Variants in PAX3 observed in about 807,000 individuals in gnomAD.
PAX3 encodes paired box 3.
In PAX3, 14 loss-of-function variants were observed where a neutral mutation model predicts 51.6. The ratio of observed to expected loss-of-function variants is 0.27; its 90% confidence interval spans 0.18 to 0.42. The LOEUF is 0.42. Ranked by LOEUF, PAX3 falls within the 10% of genes least tolerant of loss-of-function variation. The pLI is 1.00. For missense variants in PAX3, 540 were observed against 642.8 expected (o/e 0.84, Z 1.73); for synonymous variants, 280 against 253.4 (o/e 1.11, Z -1.00).
intron 7 of PAX3, among the ~76,000 whole-genome samples, chr2:222,210,920 G>A (rs1691700002): frequency 6.6e-6 from 1 of 152,108 alleles, no homozygotes; most frequent in Non-Finnish European, 1.5e-5. Flanking sequence ...TAGGCTGAGT[G>A]CAATGGTGCA....
intron 4 of PAX3, among the ~76,000 whole-genome samples, chr2:222,244,203 T>C (rs1323421499): frequency 6.6e-6 from 1 of 152,186 alleles, no homozygotes; most frequent in Admixed American, 6.5e-5. Flanking sequence ...TGAAATTTTG[T>C]CTTTTTGTGT....
At chr2:222,229,846 C>A (rs1386803874) in intron 5 of PAX3, among the ~76,000 whole-genome samples, 1 of 152,200 alleles carries the variant, frequency 6.6e-6, no homozygotes, top group Non-Finnish European at 1.5e-5. Context: ...TCCTTATGCA[C>A]CTGGTCCAGT....
intron 7 of PAX3, among the ~76,000 whole-genome samples, chr2:222,205,024 A>G (rs1053386097): frequency 1.3e-5 from 2 of 152,212 alleles, no homozygotes; most frequent in African/African-American, 4.8e-5. Context: ...ATAACTAATT[A>G]TAGGGGATGG....
chr2:222,239,167 G>T (rs1302399052), intron 4 of PAX3, among the ~76,000 whole-genome samples: 2 of 152,204 alleles, frequency 1.3e-5, no homozygotes, highest in Admixed American at 6.5e-5. Flanking sequence ...TGGATCCCAA[G>T]AAATGGCCTG....
intron 7 of PAX3, among the ~76,000 whole-genome samples, chr2:222,217,483 A>G (rs972050586): frequency 2.6e-5 from 4 of 152,098 alleles, no homozygotes; most frequent in Admixed American, 2.6e-4. Context: ...CTCCCTATCA[A>G]TCCTTTGGCT....
At chr2:222,264,615 TA>T (rs1031501800) in intron 4 of PAX3, 4 of 152,212 alleles carry the variant, frequency 2.6e-5, no homozygotes, top group African/African-American at 7.2e-5. Flanking sequence ...AAAATAAATT[TA>T]AAATCATAAA....
rs563865219 is a variant in PAX3, at chr2:222,273,379, C to G, written c.586+20788G>C. On this transcript the variant is annotated intron_variant, in intron 4 of 8. Transcript: ENST00000392070. ...TGTGTGTTTAAACACCAAGAAGGTT[C>G]TTTGCTCTATTAACACGAGGAAACA... Among the ~76,000 whole-genome samples, 108 of 152,260 alleles carry G rather than the reference C, an allele frequency of 7.1e-4. 1 individual carries two copies. The Middle Eastern group carries it at 0.014, about 19-fold the overall frequency.
intron 4 of PAX3, among the ~76,000 whole-genome samples, chr2:222,256,730 A>G (rs554567074): frequency 1.3e-5 from 2 of 152,292 alleles, no homozygotes; most frequent in African/African-American, 2.4e-5. Flanking sequence ...AGTATTTTTC[A>G]TGTTATGCTT....
intron 4 of PAX3, among the ~76,000 whole-genome samples, chr2:222,265,427 G>C (rs189961121): frequency 1.5e-4 from 23 of 152,322 alleles, no homozygotes; most frequent in African/African-American, 5.5e-4. Flanking sequence ...GCCAAGGCGG[G>C]TGGATCATGA....
At chr2:222,295,408 C>G (rs986165974) in intron 3 of PAX3, 120 bp downstream of exon 3, 198 of 1,225,600 alleles carry the variant, frequency 1.6e-4, no homozygotes, top group Non-Finnish European at 2.3e-4. Context: ...TGCAGGGCCT[C>G]GGGAGAGGCC....
At position 222,201,066 on chromosome 2, in the gene PAX3, C is replaced by T. The variant is rs1691268058; in HGVS notation, c.*342G>A. On this transcript the variant is annotated 3_prime_UTR_variant, in exon 9 of 9. Coordinates refer to ENST00000392070, the MANE Select transcript of PAX3 (RefSeq NM_181458.4). The stretch of plus-strand genomic sequence containing the variant: ...ACACACACACACACGCACGCACGCA[C>T]ACAAGCAAATGGAATGTTCTAGCTC... The T allele has an allele frequency of 1.6e-6, 2 of 1,253,342 alleles. No homozygotes were observed. The highest frequency in any genetic ancestry group is 2.5e-5 in the East Asian group (1 of 40,310). 77.6% of individuals were successfully genotyped at this position (1,253,342 alleles called of 1,614,324 possible). A position where few individuals can be genotyped will look rare whatever the true frequency, so the allele number is the denominator to read the frequency against.
At chr2:222,281,325 A>G (rs773937023) in intron 4 of PAX3, among the ~76,000 whole-genome samples, 13 of 152,228 alleles carry the variant, frequency 8.5e-5, no homozygotes, top group Non-Finnish European at 2.9e-5. Flanking sequence ...GGAATCACGA[A>G]ACGGAAAATT....
intron 3 of PAX3, among the ~76,000 whole-genome samples, chr2:222,295,324 C>T (rs926243759): frequency 1.3e-5 from 2 of 152,214 alleles, no homozygotes; most frequent in Non-Finnish European, 2.9e-5. Flanking sequence ...GGTGGTCTCG[C>T]CACCCTCCGT....
At chr2:222,212,133 A>G (rs1358422235) in intron 7 of PAX3, among the ~76,000 whole-genome samples, 1 of 152,194 alleles carries the variant, frequency 6.6e-6, no homozygotes. Context: ...TGGAAGAGTC[A>G]TGGAAGGGTT....
chr2:222,205,207 A>G (rs993367183), intron 7 of PAX3, among the ~76,000 whole-genome samples: 1 of 152,148 alleles, frequency 6.6e-6, no homozygotes. Flanking sequence ...TGGAGAAGAT[A>G]CCCTGTTTGC....
rs1691363420 is a variant in PAX3 at position 222,203,018 on chromosome 2, T to TATATATATAC, written c.1174-829_1174-828insGTATATATAT. On this transcript the variant is annotated intron_variant, in intron 7 of 8. Transcript: ENST00000392070. Reference sequence around the variant, plus strand: ...CTTCTCTAAACAACCATTTCATATATATATATATATATATATATATATATA... The same window carrying TATATATATAC: ...CTTCTCTAAACAACCATTTCATATATATATATATACATATATATATATATATATATATATA... Among the ~76,000 whole-genome samples, 3 of 52,880 alleles carry TATATATATAC rather than the reference T, an allele frequency of 5.7e-5. 1 individual carries two copies. Among genetic ancestry groups the TATATATATAC allele is most frequent in the Non-Finnish European group, 7.9e-5 (2 of 25,176 alleles). The allele number at this position is 52,880 out of a possible 152,430, so 34.7% of individuals were successfully genotyped here. A position where few individuals can be genotyped will look rare whatever the true frequency, so the allele number is the denominator to read the frequency against.
At chr2:222,270,736 G>A (rs1048402907) in intron 4 of PAX3, among the ~76,000 whole-genome samples, 2 of 152,212 alleles carry the variant, frequency 1.3e-5, no homozygotes, top group African/African-American at 2.4e-5. Flanking sequence ...TCAGAACAAT[G>A]TGAAAATCAA....
intron 5 of PAX3, among the ~76,000 whole-genome samples, chr2:222,222,924 T>A (rs1366321399): frequency 6.6e-6 from 1 of 152,196 alleles, no homozygotes; most frequent in Non-Finnish European, 1.5e-5. Context: ...AATTTGATTC[T>A]AATTTCGACG....
intron 4 of PAX3, among the ~76,000 whole-genome samples, chr2:222,257,935 A>G (rs1200497180): frequency 6.6e-6 from 1 of 152,214 alleles, no homozygotes; most frequent in Non-Finnish European, 1.5e-5. Context: ...GCTTTGTAAT[A>G]GGGATGGACG....
Sources: gnomAD v4.1 joint callset for allele counts (sites outside exome capture counted in the v4.1 genomes callset) on GRCh38, gnomAD v4.1.1 for gene constraint, MANE v1.5 for transcripts, NCBI Gene and HGNC (gene_info 2026-07-23, HGNC 2026-07-21) for gene names.